ZRANB3: variants seen among roughly 807,000 people sequenced by gnomAD.
ZRANB3 encodes the protein zinc finger RANBP2-type containing 3.
In ZRANB3, 125 loss-of-function variants were observed where a neutral mutation model predicts 133.8. The observed-to-expected ratio is 0.93, with a 90% CI of 0.81 to 1.08. The LOEUF is 1.08. ZRANB3 is among the 50% of genes least tolerant of loss of function. The pLI is 0.00. For synonymous variants in ZRANB3, 387 were observed against 432.7 expected (o/e 0.89, Z 1.31); for missense variants, 1,229 against 1,275.5 (o/e 0.96, Z 0.56).
chr2:135,461,271 G>A (rs1429979434), intron 2 of ZRANB3, among the ~76,000 whole-genome samples: 1 of 152,038 alleles, frequency 6.6e-6, no homozygotes, highest in Non-Finnish European at 1.5e-5. Context: ...TAAACAACAT[G>A]CCTTTAAGAT....
chr2:135,415,690 T>C (rs1688535902), intron 2 of ZRANB3, among the ~76,000 whole-genome samples: 1 of 152,150 alleles, frequency 6.6e-6, no homozygotes, highest in Non-Finnish European at 1.5e-5. Flanking sequence ...TTGATGAACA[T>C]TGATGCAAGA....
At chr2:135,398,262 T>G (rs1232665708) in intron 2 of ZRANB3, among the ~76,000 whole-genome samples, 1 of 151,590 alleles carries the variant, frequency 6.6e-6, no homozygotes, top group Non-Finnish European at 1.5e-5. Context: ...GAGACGGGGT[T>G]TCACCGTGTT....
chr2:135,233,816 C>A (rs890030558), intron 12 of ZRANB3, among the ~76,000 whole-genome samples: 2 of 152,142 alleles, frequency 1.3e-5, no homozygotes, highest in Admixed American at 1.3e-4. Flanking sequence ...AAAGGAACAA[C>A]CAGTACAAGC....
chr2:135,213,332 T>G (rs1186893512), intron 17 of ZRANB3, among the ~76,000 whole-genome samples: 1 of 152,202 alleles, frequency 6.6e-6, no homozygotes, highest in Non-Finnish European at 1.5e-5. Context: ...GAAAGTAAAT[T>G]GATAGGACAG....
Position 135,292,644 on chromosome 2 carries a change from G to T in ZRANB3, c.967-16889C>A, listed in dbSNP as rs1022951522. Among the ~76,000 whole-genome samples, 6 of 152,226 alleles carry T rather than the reference G, an allele frequency of 3.9e-5. No individual in the cohort carries two copies. In the Middle Eastern group the frequency reaches 0.01, roughly 259 times the overall value. ...TTTGGCTTTTGTTGCCATTGCTTTT[G>T]GTGTTTTAGACATGAAGTCCTTGCC... On this transcript the variant is annotated intron_variant, in intron 8 of 20. Coordinates refer to ENST00000264159, the MANE Select transcript of ZRANB3 (RefSeq NM_032143.4).
intron 12 of ZRANB3, among the ~76,000 whole-genome samples, chr2:135,237,268 A>G (rs200338910): frequency 0.22 from 32,268 of 144,944 alleles, 5,298 homozygotes; most frequent in African/African-American, 0.48. Context: ...TTAGAATGGC[A>G]ATCATTAAAA....
At chr2:135,232,240 G>A (rs559736360) in intron 12 of ZRANB3, among the ~76,000 whole-genome samples, 1 of 152,224 alleles carries the variant, frequency 6.6e-6, no homozygotes, top group African/African-American at 2.4e-5. Flanking sequence ...AGTGAGGCTG[G>A]GGGAGGGGCG....
At position 135,455,399 on chromosome 2, in the gene ZRANB3, G is replaced by C. The variant is rs558259833; in HGVS notation, c.161+48930C>G. Among the ~76,000 whole-genome samples the C allele has an allele frequency of 8.4e-4, 127 of 151,222 alleles. 1 individual carries two copies. The highest frequency in any genetic ancestry group is 2.6e-3 in the African/African-American group (109 of 41,244). On this transcript the variant is annotated intron_variant, in intron 2 of 20. Coordinates refer to ENST00000264159, the MANE Select transcript of ZRANB3 (RefSeq NM_032143.4). Reference sequence around the variant, plus strand: ...GACGGGGTTTCGCCACGTTGGCCAGGATGGTTTTGAATCCCTGACTTCATG... The same window carrying C: ...GACGGGGTTTCGCCACGTTGGCCAGCATGGTTTTGAATCCCTGACTTCATG...
intron 3 of ZRANB3, among the ~76,000 whole-genome samples, chr2:135,360,212 C>T (rs993952775): frequency 2.0e-5 from 3 of 151,668 alleles, no homozygotes; most frequent in African/African-American, 7.3e-5. Context: ...AACCCCGTCT[C>T]TATGAAAAAT....
At chr2:135,407,535 A>G (rs896246403) in intron 2 of ZRANB3, among the ~76,000 whole-genome samples, 47 of 146,762 alleles carry the variant, frequency 3.2e-4, no homozygotes, top group African/African-American at 1.3e-3. Flanking sequence ...AGCCAAAAGA[A>G]CAAAGCTGGA....
intron 8 of ZRANB3, among the ~76,000 whole-genome samples, chr2:135,294,040 T>C (rs953106084): frequency 8.5e-5 from 13 of 152,236 alleles, no homozygotes; most frequent in Admixed American, 6.5e-5. Flanking sequence ...TCATCAAGCA[T>C]ATTGGTTTAA....
intron 12 of ZRANB3, among the ~76,000 whole-genome samples, chr2:135,247,114 G>A (rs1695833513): frequency 1.3e-5 from 2 of 152,160 alleles, no homozygotes; most frequent in Non-Finnish European, 2.9e-5. Context: ...ACTGCCTCGT[G>A]TCATTTGGCT....
At chr2:135,211,001 C>A (rs1245547998) in intron 17 of ZRANB3, among the ~76,000 whole-genome samples, 1 of 151,616 alleles carries the variant, frequency 6.6e-6, no homozygotes, top group Non-Finnish European at 1.5e-5. Context: ...TGCACTCCAG[C>A]CTGGGTGACA....
intron 2 of ZRANB3, among the ~76,000 whole-genome samples, chr2:135,449,650 T>C (rs1690179788): frequency 6.6e-6 from 1 of 152,090 alleles, no homozygotes; most frequent in Admixed American, 6.6e-5. Context: ...ATTGGAACAA[T>C]AATAATCACT....
intron 11 of ZRANB3, among the ~76,000 whole-genome samples, chr2:135,266,519 C>A (rs1680257521): frequency 6.6e-6 from 1 of 152,046 alleles, no homozygotes; most frequent in Middle Eastern, 3.4e-3. Flanking sequence ...GTAATCCCAG[C>A]ACTTTGGGAG....
chr2:135,498,766 T>G (rs1366719607), intron 2 of ZRANB3, among the ~76,000 whole-genome samples: 3 of 152,262 alleles, frequency 2.0e-5, no homozygotes, highest in East Asian at 1.9e-4. Context: ...TTTGGGAACA[T>G]CTATCTTTTT....
At chr2:135,434,730 T>A (rs1689458061) in intron 2 of ZRANB3, among the ~76,000 whole-genome samples, 1 of 152,238 alleles carries the variant, frequency 6.6e-6, no homozygotes, top group Non-Finnish European at 1.5e-5. Flanking sequence ...CAGGCCAAAC[T>A]GTTCAGAAGA....
intron 2 of ZRANB3, among the ~76,000 whole-genome samples, chr2:135,483,032 A>G (rs1437965132): frequency 1.3e-5 from 2 of 152,138 alleles, no homozygotes; most frequent in African/African-American, 4.8e-5. Context: ...TATTTTATTG[A>G]GGATTTTTGC....
chr2:135,298,152 C>T (rs187730111), intron 8 of ZRANB3, among the ~76,000 whole-genome samples: 41 of 152,168 alleles, frequency 2.7e-4, no homozygotes, highest in Non-Finnish European at 4.7e-4. Flanking sequence ...TGCTTGAACC[C>T]GGGAGGCAGA....
Sources: allele counts gnomAD v4.1 joint callset (sites outside exome capture counted in the v4.1 genomes callset), GRCh38; gene constraint gnomAD v4.1.1; transcripts MANE v1.5; gene names NCBI Gene and HGNC (gene_info 2026-07-23, HGNC 2026-07-21).